The following TLL1 variants were observed in gnomAD, a reference collection of about 807,000 sequenced individuals.
TLL1 encodes tolloid like 1.
Under a neutral mutation model 128.2 loss-of-function variants are expected in TLL1, and 49 were observed. The observed-to-expected ratio is 0.38, with a 90% CI of 0.30 to 0.48. The LOEUF is 0.48. Ranked by LOEUF, TLL1 falls within the 20% of genes least tolerant of loss-of-function variation. The pLI is 0.96. For missense variants in TLL1, 1,123 were observed against 1,242.0 expected, an observed-to-expected ratio of 0.90 and a Z score of 1.44; for synonymous variants, 454 against 418.8, an observed-to-expected ratio of 1.08 and a Z score of -1.03.
At chr4:165,997,012 TTC>T (rs1259417056) in intron 5 of TLL1, among the ~76,000 whole-genome samples, 1 of 152,070 alleles carries the variant, frequency 6.6e-6, no homozygotes, top group Non-Finnish European at 1.5e-5. Context: ...GTTCAAACTT[TTC>T]TCTGTGTTGT....
intron 1 of TLL1, among the ~76,000 whole-genome samples, chr4:165,899,806 A>G (rs1196020054): frequency 6.6e-6 from 1 of 152,134 alleles, no homozygotes; most frequent in Non-Finnish European, 1.5e-5. Flanking sequence ...TGATCTGTCT[A>G]ATATTGACAG....
At chr4:166,056,652 A>G (rs539509028) in intron 13 of TLL1, among the ~76,000 whole-genome samples, 11 of 152,282 alleles carry the variant, frequency 7.2e-5, no homozygotes, top group African/African-American at 2.4e-4. Flanking sequence ...TAAAATTAGC[A>G]TTGCTGAAGC....
intron 14 of TLL1, among the ~76,000 whole-genome samples, chr4:166,059,266 G>C (rs1740176761): frequency 6.6e-6 from 1 of 151,942 alleles, no homozygotes. Flanking sequence ...GTTATTTTAG[G>C]TAACTCTTGA....
chr4:166,044,008 C>T (rs1425939155), intron 12 of TLL1, among the ~76,000 whole-genome samples: 2 of 152,130 alleles, frequency 1.3e-5, no homozygotes, highest in Non-Finnish European at 2.9e-5. Context: ...CCAGAACTAA[C>T]ACGCTGGCCC....
At chr4:165,943,840 A>G (rs1055301252) in intron 1 of TLL1, among the ~76,000 whole-genome samples, 1 of 152,122 alleles carries the variant, frequency 6.6e-6, no homozygotes, top group African/African-American at 2.4e-5. Flanking sequence ...TTGCAGCTAC[A>G]TGTGCACAGT....
chr4:165,934,489 T>A (rs1019348669), intron 1 of TLL1, among the ~76,000 whole-genome samples: 1 of 152,266 alleles, frequency 6.6e-6, no homozygotes, highest in Non-Finnish European at 1.5e-5. Flanking sequence ...CTGTGTCAAG[T>A]GGTGATAAAA....
chr4:166,076,969 C>A (rs1253102091), intron 17 of TLL1, among the ~76,000 whole-genome samples: 1 of 152,028 alleles, frequency 6.6e-6, no homozygotes, highest in Non-Finnish European at 1.5e-5. Flanking sequence ...TGCTGTGTGG[C>A]CCCGAAGGGT....
At chr4:165,961,710 G>T (rs1735114425) in intron 1 of TLL1, among the ~76,000 whole-genome samples, 2 of 152,090 alleles carry the variant, frequency 1.3e-5, no homozygotes, top group Non-Finnish European at 2.9e-5. Flanking sequence ...GCAAAAATAA[G>T]CAGAGGGGAA....
chr4:166,038,363 A>G (rs1158167766), intron 9 of TLL1, among the ~76,000 whole-genome samples: 5 of 152,094 alleles, frequency 3.3e-5, no homozygotes, highest in Non-Finnish European at 7.4e-5. Flanking sequence ...AGCATTTGGA[A>G]TACTCAACAT....
rs561475244 is a variant in TLL1 at position 166,002,179 on chromosome 4, T to C, written c.633-1212T>C. ...TGCATAGACGGATGTGAGATGTGTT[T>C]TTGCTGTGTTCTCACATGTCAGATG... On this transcript the variant is annotated intron_variant, in intron 5 of 20. Coordinates refer to ENST00000061240, the MANE Select transcript of TLL1 (RefSeq NM_012464.5). 2.6e-5 allele frequency among the ~76,000 whole-genome samples: 4 copies of C among 152,162 alleles called. No individual in the cohort carries two copies. In the South Asian group the frequency reaches 8.3e-4, roughly 32 times the overall value.
chr4:166,012,781 C>A (rs947549420), intron 7 of TLL1, among the ~76,000 whole-genome samples: 11 of 151,740 alleles, frequency 7.2e-5, no homozygotes, highest in African/African-American at 2.7e-4. Context: ...CTCTACTTCT[C>A]TCCTGTCTTT....
chr4:165,969,847 A>G (rs549422423), intron 1 of TLL1, among the ~76,000 whole-genome samples: 1 of 152,274 alleles, frequency 6.6e-6, no homozygotes, highest in South Asian at 2.1e-4. Context: ...CGTCCTTTGA[A>G]GAATCTTGTA....
At chr4:165,963,781 T>A (rs1460565501) in intron 1 of TLL1, among the ~76,000 whole-genome samples, 1 of 152,152 alleles carries the variant, frequency 6.6e-6, no homozygotes, top group East Asian at 1.9e-4. Context: ...GTGACAGTGC[T>A]CAGGTTTACA....
intron 8 of TLL1, among the ~76,000 whole-genome samples, chr4:166,016,809 A>C (rs570747298): frequency 6.6e-6 from 1 of 151,968 alleles, no homozygotes; most frequent in Non-Finnish European, 1.5e-5. Flanking sequence ...ACATACAGAT[A>C]TATAGAGAGA....
chr4:166,019,156 G>A (rs866183662), intron 8 of TLL1, among the ~76,000 whole-genome samples: 3 of 152,042 alleles, frequency 2.0e-5, no homozygotes, highest in African/African-American at 7.2e-5. Context: ...CTTTTCAGCC[G>A]CATGGATGGA....
chr4:166,088,069 A>C (rs990789387), intron 18 of TLL1, among the ~76,000 whole-genome samples: 1 of 152,184 alleles, frequency 6.6e-6, no homozygotes, highest in African/African-American at 2.4e-5. Flanking sequence ...TTAAACACTT[A>C]AGAAAAATAT....
intron 15 of TLL1, among the ~76,000 whole-genome samples, chr4:166,062,670 A>T (rs1431627567): frequency 6.6e-6 from 1 of 152,162 alleles, no homozygotes; most frequent in Non-Finnish European, 1.5e-5. Flanking sequence ...GCAAACAGGG[A>T]CAATTTGACT....
At position 166,057,130 on chromosome 4, in the gene TLL1, T is replaced by A; in HGVS notation, c.1721-54T>A. On this transcript the variant is annotated intron_variant, in intron 13 of 20. Coordinates refer to ENST00000061240, the MANE Select transcript of TLL1 (RefSeq NM_012464.5). ...GGGGACACAGCCAAACCATTTCACATACATACACACATATATATGTATAGT... is the reference window on the plus strand; with the variant it reads ...GGGGACACAGCCAAACCATTTCACAAACATACACACATATATATGTATAGT... 3.1e-6 allele frequency: 5 copies of A among 1,605,522 alleles called. No individual in the cohort carries two copies. The South Asian group carries it at 3.3e-5, about 11-fold the overall frequency.
chr4:166,052,408 C>T (rs1020714483), intron 12 of TLL1, among the ~76,000 whole-genome samples: 2 of 152,060 alleles, frequency 1.3e-5, no homozygotes, highest in African/African-American at 4.8e-5. Context: ...CAATTCTCTG[C>T]CTCAGACTCC....
Sources: allele counts gnomAD v4.1 joint callset (sites outside exome capture counted in the v4.1 genomes callset), GRCh38; gene constraint gnomAD v4.1.1; transcripts MANE v1.5; gene names NCBI Gene and HGNC (gene_info 2026-07-23, HGNC 2026-07-21).